The following ZNF804A variants were observed in gnomAD, a reference collection of about 807,000 sequenced individuals.
ZNF804A encodes zinc finger protein 804A.
In ZNF804A, 2 loss-of-function variants were observed where a neutral mutation model predicts 16.5. That is an observed-to-expected ratio of 0.12 (90% CI 0.05 to 0.38). The LOEUF is 0.38. ZNF804A is among the 10% of genes least tolerant of loss of function. The pLI is 0.99. For synonymous variants in ZNF804A, 534 were observed against 489.6 expected (o/e 1.09, Z -1.20); for missense variants, 1,473 against 1,390.7 (o/e 1.06, Z -0.94).
At chr2:184,600,009 A>G (rs1416978637) in intron 1 of ZNF804A, among the ~76,000 whole-genome samples, 2 of 152,208 alleles carry the variant, frequency 1.3e-5, no homozygotes, top group African/African-American at 4.8e-5. Flanking sequence ...AAGAGTAAAG[A>G]CAAAGTAGGG....
chr2:184,854,606 C>T (rs1381455085), intron 1 of ZNF804A, among the ~76,000 whole-genome samples: 3 of 151,882 alleles, frequency 2.0e-5, no homozygotes, highest in African/African-American at 7.2e-5. Context: ...CACAAAAAGT[C>T]AAACTGAACA....
intron 1 of ZNF804A, among the ~76,000 whole-genome samples, chr2:184,727,214 A>G (rs1330364181): frequency 1.3e-5 from 2 of 151,612 alleles, no homozygotes; most frequent in Non-Finnish European, 3.0e-5. Flanking sequence ...TGAGCATTAT[A>G]AAATACCACA....
chr2:184,698,119 C>T (rs574464722), intron 1 of ZNF804A, among the ~76,000 whole-genome samples: 2 of 152,108 alleles, frequency 1.3e-5, no homozygotes, highest in South Asian at 2.1e-4. Context: ...AAAATTCACA[C>T]ACTAATTCAT....
At chr2:184,694,769 A>G (rs1187290142) in intron 1 of ZNF804A, among the ~76,000 whole-genome samples, 1 of 152,236 alleles carries the variant, frequency 6.6e-6, no homozygotes, top group East Asian at 1.9e-4. Flanking sequence ...CCTGAAATTC[A>G]GATTAATCTC....
chr2:184,864,937 G>A (rs1029989985), intron 1 of ZNF804A, among the ~76,000 whole-genome samples: 2 of 142,824 alleles, frequency 1.4e-5, no homozygotes, highest in Admixed American at 7.2e-5. Context: ...CTGGAGTGCA[G>A]TGGCACAATC....
At chr2:184,830,242 T>C (rs1409055890) in intron 1 of ZNF804A, among the ~76,000 whole-genome samples, 1 of 152,196 alleles carries the variant, frequency 6.6e-6, no homozygotes, top group African/African-American at 2.4e-5. Flanking sequence ...ATTTTCAGAT[T>C]CTATTTACTC....
chr2:184,742,019 TTTTTA>T (rs1201229920), intron 1 of ZNF804A, among the ~76,000 whole-genome samples: 2 of 152,026 alleles, frequency 1.3e-5, no homozygotes, highest in African/African-American at 2.4e-5. Flanking sequence ...TAATTTTTAT[TTTTTA>T]TTTTATGTTT....
chr2:184,603,425 C>T (rs1460148350), intron 1 of ZNF804A, among the ~76,000 whole-genome samples: 9 of 152,198 alleles, frequency 5.9e-5, no homozygotes, highest in Admixed American at 5.9e-4. Flanking sequence ...TATAGGAACA[C>T]ACTAAAATTT....
chr2:184,924,603 G>C (rs1290591024), intron 2 of ZNF804A, among the ~76,000 whole-genome samples: 1 of 149,204 alleles, frequency 6.7e-6, no homozygotes, highest in Non-Finnish European at 1.5e-5. Flanking sequence ...CTAATTTTGG[G>C]TATGGCTTGC....
rs2105843866 is a variant in ZNF804A, at chr2:184,936,417, G to T, written c.1021G>T (p.Val341Phe). ...LADQIPLESV[V>F]INEDIPVSGN... Reference sequence around the variant, plus strand: ...AGATCAAATACCACTAGAGAGTGTTGTTATTAATGAAGACATACCTGTTAG... The same window carrying T: ...AGATCAAATACCACTAGAGAGTGTTTTTATTAATGAAGACATACCTGTTAG... The change falls in exon 4 of 4, where the codon GTT (valine) becomes TTT (phenylalanine). Residue 341 changes from valine to phenylalanine, a missense_variant. Physicochemically the swap from Val to Phe is conservative, Grantham distance 50. Transcript: ENST00000302277. The T allele has an allele frequency of 6.2e-7, 1 of 1,613,974 alleles. No individual in the cohort carries two copies. Among genetic ancestry groups the T allele is most frequent in the Non-Finnish European group, 8.5e-7 (1 of 1,179,942 alleles).
intron 2 of ZNF804A, among the ~76,000 whole-genome samples, chr2:184,929,802 C>T (rs545975624): frequency 2.0e-5 from 3 of 152,124 alleles, no homozygotes; most frequent in Admixed American, 1.3e-4. Context: ...CTGATACACA[C>T]TCTCATCCCC....
intron 2 of ZNF804A, among the ~76,000 whole-genome samples, chr2:184,931,036 G>T (rs1020745610): frequency 6.6e-6 from 1 of 152,218 alleles, no homozygotes; most frequent in Non-Finnish European, 1.5e-5. Context: ...GAGAGCATGT[G>T]CAGGGGATCT....
At chr2:184,619,709 A>G (rs1691387394) in intron 1 of ZNF804A, among the ~76,000 whole-genome samples, 1 of 151,978 alleles carries the variant, frequency 6.6e-6, no homozygotes, top group Non-Finnish European at 1.5e-5. Flanking sequence ...CATGCTTATG[A>G]GTGGTTCAGA....
intron 1 of ZNF804A, among the ~76,000 whole-genome samples, chr2:184,672,427 C>T (rs537861863): frequency 6.6e-4 from 100 of 152,240 alleles, no homozygotes; most frequent in African/African-American, 2.2e-3. Context: ...CCATGCCCTA[C>T]GTTTCTAACA....
chr2:184,811,069 G>A (rs1335772864), intron 1 of ZNF804A, among the ~76,000 whole-genome samples: 1 of 152,084 alleles, frequency 6.6e-6, no homozygotes, highest in Non-Finnish European at 1.5e-5. Context: ...TAAATGACAG[G>A]CACTGAGGTG....
chr2:184,893,231 T>C (rs1685014815), intron 2 of ZNF804A, among the ~76,000 whole-genome samples: 1 of 152,106 alleles, frequency 6.6e-6, no homozygotes, highest in Non-Finnish European at 1.5e-5. Flanking sequence ...TTTTTAAATG[T>C]GTTTGCTCCC....
At chr2:184,894,919 T>G (rs1685041606) in intron 2 of ZNF804A, among the ~76,000 whole-genome samples, 1 of 151,814 alleles carries the variant, frequency 6.6e-6, no homozygotes, top group Admixed American at 6.6e-5. Context: ...GGTCTCCATC[T>G]CCTGACTTCG....
Position 184,936,856 on chromosome 2 carries a change from A to G in ZNF804A, c.1460A>G (p.Gln487Arg). 6.2e-7 allele frequency: 1 copy of G among 1,613,262 alleles called. No individual in the cohort carries two copies. The highest frequency in any genetic ancestry group is 1.1e-5 in the South Asian group (1 of 90,984). The change falls in exon 4 of 4, where the codon CAG becomes CGG. Residue 487 changes from glutamine to arginine, a missense_variant. Physicochemically the swap from Gln to Arg is conservative, Grantham distance 43. Coordinates refer to ENST00000302277, the MANE Select transcript of ZNF804A (RefSeq NM_194250.2). ...GACTTAAAAGATCTTTGTTCTCAGC[A>G]GAAGCAGGAAGACATTTGCATGGGA... ...KPDLKDLCSQ[Q>R]KQEDICMGPL...
chr2:184,807,120 T>C (rs1343354970), intron 1 of ZNF804A, among the ~76,000 whole-genome samples: 5 of 151,822 alleles, frequency 3.3e-5, no homozygotes, highest in Admixed American at 1.3e-4. Context: ...ACTAAATATG[T>C]GTATCAGACC....
Sources: gnomAD v4.1 joint callset for allele counts (sites outside exome capture counted in the v4.1 genomes callset) on GRCh38, gnomAD v4.1.1 for gene constraint, MANE v1.5 for transcripts, NCBI Gene and HGNC (gene_info 2026-07-23, HGNC 2026-07-21) for gene names.